WTIP: variants seen among roughly 807,000 people sequenced by gnomAD.
WTIP encodes WT1 interacting protein.
WTIP carries 23 observed loss-of-function variants against 41.7 expected under a neutral mutation model. The observed-to-expected ratio is 0.55, with a 90% CI of 0.40 to 0.78. The LOEUF is 0.78. Among genes scored for constraint, WTIP ranks in the 30% least tolerant of loss-of-function variants. WTIP has a pLI of 0.00. For synonymous variants in WTIP, 314 were observed against 269.9 expected, an observed-to-expected ratio of 1.16 and a Z score of -1.60; for missense variants, 619 against 610.5, an observed-to-expected ratio of 1.01 and a Z score of -0.15.
chr19:34,493,459 C>A lies in WTIP; in HGVS notation c.901-33C>A. ...CCCAGGGCGGTGCTGAGCCTCCTGC[C>A]CGCGCTGACCCCTCAGTGTGCCCCG... On this transcript the variant is annotated intron_variant, in intron 4 of 7. Coordinates refer to ENST00000590071, the MANE Select transcript of WTIP (RefSeq NM_001080436.2). This position sits in a 1 kb window ranked among gnomAD's most constrained non-coding sequence, Gnocchi z 4.1. The A allele has an allele frequency of 6.2e-7, 1 of 1,611,356 alleles. No homozygotes were observed.
At position 34,506,370 on chromosome 19, in the gene WTIP, G is replaced by A. The variant is rs927990155; in HGVS notation, c.*6101G>A. 6.6e-6 allele frequency: 1 copy of A among 152,190 alleles called. No homozygotes were observed. The highest frequency in any genetic ancestry group is 2.4e-5 in the African/African-American group (1 of 41,444). 9.4% of individuals were successfully genotyped at this position (152,190 alleles called of 1,614,324 possible). A position where few individuals can be genotyped will look rare whatever the true frequency, so the allele number is the denominator to read the frequency against. ...GCTCTTTCACTTCTTGCAAGTTGGT[G>A]AAAACAGACTCTTCCAGGGAATTTT... On this transcript the variant is annotated 3_prime_UTR_variant, in exon 8 of 8. Coordinates refer to ENST00000590071, the MANE Select transcript of WTIP (RefSeq NM_001080436.2).
intron 7 of WTIP, among the ~76,000 whole-genome samples, chr19:34,499,758 G>A (rs2075874514): frequency 6.7e-6 from 1 of 150,222 alleles, no homozygotes; most frequent in African/African-American, 2.5e-5. Context: ...GGAATGCAAT[G>A]GCAGGCTCTC....
At chr19:34,499,058 GA>G (rs1568402812) in intron 7 of WTIP, among the ~76,000 whole-genome samples, 1 of 151,238 alleles carries the variant, frequency 6.6e-6, no homozygotes, top group Non-Finnish European at 1.5e-5. Flanking sequence ...AATACAAGGG[GA>G]AAAAAATTAG....
intron 2 of WTIP, 43 bp downstream of exon 2, chr19:34,490,520 G>T: frequency 6.4e-7 from 1 of 1,572,116 alleles, no homozygotes; most frequent in Non-Finnish European, 8.8e-7. Context: ...AAGGGGACCT[G>T]CCACATCATC....
At chr19:34,492,718 C>G (rs1054824095) in intron 2 of WTIP, among the ~76,000 whole-genome samples, 1 of 150,778 alleles carries the variant, frequency 6.6e-6, no homozygotes, top group South Asian at 2.1e-4. Flanking sequence ...GATTCATTCC[C>G]GAAAATTTGC....
intron 7 of WTIP, among the ~76,000 whole-genome samples, chr19:34,498,782 C>A (rs1211885945): frequency 6.6e-6 from 1 of 152,140 alleles, no homozygotes; most frequent in Non-Finnish European, 1.5e-5. Context: ...CGCCTGTAGT[C>A]CCAGCTACTC....
At chr19:34,500,029 C>CCTGCAG in intron 7 of WTIP, 100 bp from the exon 8 acceptor site, 1 of 1,488,698 alleles carries the variant, frequency 6.7e-7, no homozygotes, top group Non-Finnish European at 9.0e-7. Flanking sequence ...TTTGCGGCAC[C>CCTGCAG]CTGCAGATCT....
At chr19:34,495,993 C>G (rs1285146776) in intron 7 of WTIP, among the ~76,000 whole-genome samples, 3 of 152,070 alleles carry the variant, frequency 2.0e-5, no homozygotes, top group East Asian at 3.9e-4. Flanking sequence ...CCCGTCTCTA[C>G]TAAAAATACA....
In WTIP at chr19:34,510,096, T is replaced by C. The variant is rs1028442699; in HGVS notation, c.*9827T>C. 6.6e-6 allele frequency: 1 copy of C among 152,180 alleles called. No homozygotes were observed. Among genetic ancestry groups the C allele is most frequent in the Non-Finnish European group, 1.5e-5 (1 of 68,042 alleles). The allele number at this position is 152,180 out of a possible 1,614,324, so 9.4% of individuals were successfully genotyped here. On this transcript the variant is annotated 3_prime_UTR_variant, in exon 8 of 8. Coordinates refer to ENST00000590071, the MANE Select transcript of WTIP (RefSeq NM_001080436.2). ...TCTGATGTTTGGAGGATGGTGGCCT[T>C]CTTCTTACAGCTCTACTAGGCAGTA...
At chr19:34,494,306 C>T (rs996562233) in intron 5 of WTIP, among the ~76,000 whole-genome samples, 1 of 151,866 alleles carries the variant, frequency 6.6e-6, no homozygotes, top group African/African-American at 2.4e-5. Context: ...GTAATCCCAG[C>T]ACTTTGGGAG....
chr19:34,489,194 A>T (rs746938872), intron 1 of WTIP, among the ~76,000 whole-genome samples: 62 of 52,590 alleles, frequency 1.2e-3, no homozygotes, highest in Non-Finnish European at 2.3e-3. Context: ...GCGAGACTCT[A>T]TCTAAAAAAA....
rs2075771262 is a variant in WTIP, at chr19:34,482,265, C to A, written c.291C>A (p.Asp97Glu). 7.7e-7 allele frequency: 1 copy of A among 1,291,970 alleles called. No homozygotes were observed. The allele number at this position is 1,291,970 out of a possible 1,614,324, so 80.0% of individuals were successfully genotyped here. A position where few individuals can be genotyped will look rare whatever the true frequency, so the allele number is the denominator to read the frequency against. Residue 97 changes from aspartate (D) to glutamate (E), a missense_variant, in exon 1 of 8, where the codon GAC becomes GAA. Asp to Glu is a conservative substitution (Grantham distance 45, BLOSUM62 2). Transcript: ENST00000590071. Reference sequence around the variant, plus strand: ...CACGGGCCAGCCTGGCGGGGTCCGACGGCGGCGGCGGTGGCGGCAGCGCCC... The same window carrying A: ...CACGGGCCAGCCTGGCGGGGTCCGAAGGCGGCGGCGGTGGCGGCAGCGCCC... The part of the protein sequence containing the change: ...GSPRASLAGS[D>E]GGGGGGSARS...
chr19:34,482,411 G>A lies in WTIP; in HGVS notation c.437G>A (p.Ser146Asn). 7.3e-7 allele frequency: 1 copy of A among 1,361,598 alleles called. No individual in the cohort carries two copies. The highest frequency in any genetic ancestry group is 9.5e-7 in the Non-Finnish European group (1 of 1,054,846). The allele number at this position is 1,361,598 out of a possible 1,614,324, so 84.3% of individuals were successfully genotyped here. A position where few individuals can be genotyped will look rare whatever the true frequency, so the allele number is the denominator to read the frequency against. The stretch of plus-strand genomic sequence containing the variant: ...GGCAGCGCCCGCTCCAGCGTTTCCA[G>A]CCTCGGCTCCCGGGGCTCGGCCGGC... Reference protein sequence around the residue: ...SVGSARSSVSSLGSRGSAGAY... With the variant: ...SVGSARSSVSNLGSRGSAGAY... Residue 146 changes from serine to asparagine, a missense_variant, in exon 1 of 8, where the codon AGC becomes AAC. This residue lies in a region of WTIP where 363 missense variants were observed against 309.0 expected (regional missense o/e 1.17). Coordinates refer to ENST00000590071, the MANE Select transcript of WTIP (RefSeq NM_001080436.2).
rs1029213601 is a variant in WTIP at position 34,501,238 on chromosome 19, G to C, written c.*969G>C. The C allele has an allele frequency of 3.3e-5, 5 of 152,642 alleles. No homozygotes were observed. Among genetic ancestry groups the C allele is most frequent in the African/African-American group, 1.2e-4 (5 of 41,452 alleles). The allele number at this position is 152,642 out of a possible 1,614,324, so 9.5% of individuals were successfully genotyped here. A position where few individuals can be genotyped will look rare whatever the true frequency, so the allele number is the denominator to read the frequency against. On this transcript the variant is annotated 3_prime_UTR_variant, in exon 8 of 8. Transcript: ENST00000590071. The stretch of plus-strand genomic sequence containing the variant: ...AAACTCACAAGTGTCTAGTTTGTCT[G>C]TTACGGAGCTGGTTTTCAGGTGGTA...
chr19:34,484,715 G>A (rs1035039543), intron 1 of WTIP, among the ~76,000 whole-genome samples: 1 of 152,206 alleles, frequency 6.6e-6, no homozygotes, highest in Non-Finnish European at 1.5e-5. Context: ...GAGGTCCCAG[G>A]CAGGTAATGT....
In WTIP at chr19:34,481,884, CCGGGCTT is replaced by C. The variant is rs2075768037; in HGVS notation, c.-85_-79del. 4 of 826,140 alleles carry C rather than the reference CCGGGCTT, an allele frequency of 4.8e-6. No individual in the cohort carries two copies. Among genetic ancestry groups the C allele is most frequent in the Middle Eastern group, 6.0e-4 (1 of 1,664 alleles). 51.2% of individuals were successfully genotyped at this position (826,140 alleles called of 1,614,324 possible). A position where few individuals can be genotyped will look rare whatever the true frequency, so the allele number is the denominator to read the frequency against. ...GCGCCCAGGGGTCCCGGGGCGGGCTCCGGGCTTCGGGCGGACGATGCGGCGGCCCGGC... is the reference window on the plus strand; with the variant it reads ...GCGCCCAGGGGTCCCGGGGCGGGCTCCGGGCGGACGATGCGGCGGCCCGGC... On this transcript the variant is annotated 5_prime_UTR_variant, in exon 1 of 8. Transcript: ENST00000590071.
At chr19:34,497,794 G>T (rs1255164327) in intron 7 of WTIP, among the ~76,000 whole-genome samples, 2 of 152,168 alleles carry the variant, frequency 1.3e-5, no homozygotes, top group Non-Finnish European at 2.9e-5. Flanking sequence ...CAAGGAGCAG[G>T]GATGGTCTGC....
intron 1 of WTIP, among the ~76,000 whole-genome samples, chr19:34,485,171 C>T (rs2075791247): frequency 6.6e-6 from 1 of 152,108 alleles, no homozygotes; most frequent in East Asian, 1.9e-4. Flanking sequence ...GCAGCCTCCA[C>T]CTCCGGGTTC....
At chr19:34,485,649 A>G (rs1599952007) in intron 1 of WTIP, among the ~76,000 whole-genome samples, 1 of 150,786 alleles carries the variant, frequency 6.6e-6, no homozygotes, top group East Asian at 2.0e-4. Context: ...GCTGGAGTGC[A>G]GTGGTGAGAT....
Sources: allele counts gnomAD v4.1 joint callset (sites outside exome capture counted in the v4.1 genomes callset), GRCh38; gene constraint gnomAD v4.1.1; regional missense constraint gnomAD v4.1.1; non-coding constraint Gnocchi (gnomAD v3.1); transcripts MANE v1.5; gene names NCBI Gene and HGNC (gene_info 2026-07-23, HGNC 2026-07-21).